Variants in SLAIN2 observed in about 807,000 individuals in gnomAD.
The protein encoded by SLAIN2 is SLAIN family member 2.
SLAIN2 carries 31 observed loss-of-function variants against 56.6 expected under a neutral mutation model. The ratio of observed to expected loss-of-function variants is 0.55; its 90% CI spans 0.41 to 0.74. The LOEUF (loss-of-function observed/expected upper bound fraction) is 0.74. SLAIN2 is among the 30% of genes least tolerant of loss of function. The pLI is 0.00. For synonymous variants in SLAIN2, 317 were observed against 284.9 expected (o/e 1.11, Z -1.13); for missense variants, 777 against 754.2 (o/e 1.03, Z -0.35).
At chr4:48,421,958 C>G (rs1447415038) in intron 7 of SLAIN2, 53 bp from the exon 8 acceptor site, 24 of 1,349,404 alleles carry the variant, frequency 1.8e-5, no homozygotes, top group Admixed American at 7.7e-5. Context: ...TAGTATGGTA[C>G]TATTTCATAA....
chr4:48,398,611 G>C (rs1262998802), intron 6 of SLAIN2, among the ~76,000 whole-genome samples: 1 of 152,150 alleles, frequency 6.6e-6, no homozygotes, highest in African/African-American at 2.4e-5. Flanking sequence ...TTTTCTTCTA[G>C]GGTTTTTATA....
chr4:48,386,048 C>A lies in SLAIN2; in HGVS notation c.1360+2264C>A, dbSNP rs549381422. On this transcript the variant is annotated intron_variant, in intron 6 of 7. Coordinates refer to ENST00000264313, the MANE Select transcript of SLAIN2 (RefSeq NM_020846.2). ...GCTTGAGCCCAGGAGTTTGAAGCTG[C>A]TGTGAGCCATGATCATGCTGCTGCA... Among the ~76,000 whole-genome samples, 7 of 141,486 alleles carry A rather than the reference C, an allele frequency of 4.9e-5. No individual in the cohort carries two copies. The South Asian group carries it at 1.6e-3, about 32-fold the overall frequency. 92.8% of individuals were successfully genotyped at this position (141,486 alleles called of 152,430 possible).
chr4:48,423,953 T>G lies in SLAIN2; in HGVS notation c.*1876T>G, dbSNP rs1577745400. Reference sequence around the variant, plus strand: ...GCTACTGTCTCTTTTAAAAACCACGTACAAAACAGAACAAGTCTCAGTTTT... The same window carrying G: ...GCTACTGTCTCTTTTAAAAACCACGGACAAAACAGAACAAGTCTCAGTTTT... On this transcript the variant is annotated 3_prime_UTR_variant, in exon 8 of 8. Coordinates refer to ENST00000264313, the MANE Select transcript of SLAIN2 (RefSeq NM_020846.2). 6.6e-6 allele frequency: 1 copy of G among 152,132 alleles called. No individual in the cohort carries two copies. The highest frequency in any genetic ancestry group is 1.5e-5 in the Non-Finnish European group (1 of 68,008). The allele number at this position is 152,132 out of a possible 1,614,324, so 9.4% of individuals were successfully genotyped here.
chr4:48,355,123 G>A (rs1026744577), intron 1 of SLAIN2, among the ~76,000 whole-genome samples: 32 of 152,082 alleles, frequency 2.1e-4, no homozygotes, highest in African/African-American at 7.0e-4. Flanking sequence ...CTCGTGATCC[G>A]CCTGCCTCAG....
chr4:48,414,152 T>G (rs1170118930), intron 6 of SLAIN2, among the ~76,000 whole-genome samples: 1 of 152,200 alleles, frequency 6.6e-6, no homozygotes, highest in Non-Finnish European at 1.5e-5. Context: ...AGCAGATAGA[T>G]CTCCTTCACA....
At chr4:48,410,637 C>G (rs1457731589) in intron 6 of SLAIN2, among the ~76,000 whole-genome samples, 1 of 152,196 alleles carries the variant, frequency 6.6e-6, no homozygotes, top group African/African-American at 2.4e-5. Context: ...GCTCCGCTTG[C>G]AGTATCCTGC....
chr4:48,354,907 CTTT>C (rs531483004), intron 1 of SLAIN2, among the ~76,000 whole-genome samples: 1 of 149,406 alleles, frequency 6.7e-6, no homozygotes, highest in Non-Finnish European at 1.5e-5. Context: ...TTCTTTTTTT[CTTT>C]TTTTTTGAGA....
intron 6 of SLAIN2, among the ~76,000 whole-genome samples, chr4:48,390,084 CTTTTTTT>C (rs58551776): frequency 2.9e-5 from 4 of 139,448 alleles, no homozygotes; most frequent in East Asian, 4.2e-4. Flanking sequence ...TTTTCTTTTT[CTTTTTTT>C]TTTTTTTCCT....
At chr4:48,350,231 C>A (rs1252579105) in intron 1 of SLAIN2, among the ~76,000 whole-genome samples, 1 of 152,194 alleles carries the variant, frequency 6.6e-6, no homozygotes, top group South Asian at 2.1e-4. Context: ...TACTGCTCCT[C>A]AGTCCCCATC....
At chr4:48,357,467 G>T (rs1715190269) in intron 1 of SLAIN2, among the ~76,000 whole-genome samples, 1 of 151,332 alleles carries the variant, frequency 6.6e-6, no homozygotes, top group Admixed American at 6.6e-5. Context: ...CTGCAGCCTT[G>T]AACTCCTGGG....
intron 6 of SLAIN2, among the ~76,000 whole-genome samples, chr4:48,418,836 A>C (rs1407448610): frequency 1.4e-5 from 2 of 147,612 alleles, no homozygotes; most frequent in African/African-American, 2.5e-5. Context: ...ATTTCTTTAT[A>C]ACACAACATT....
chr4:48,411,389 A>G (rs1011529393), intron 6 of SLAIN2, among the ~76,000 whole-genome samples: 4 of 152,110 alleles, frequency 2.6e-5, no homozygotes, highest in Non-Finnish European at 5.9e-5. Context: ...GTTTTTTTCT[A>G]AGAACTTTAT....
At chr4:48,412,415 CA>C (rs1716887657) in intron 6 of SLAIN2, among the ~76,000 whole-genome samples, 4 of 31,014 alleles carry the variant, frequency 1.3e-4, no homozygotes, top group Non-Finnish European at 4.2e-4. Context: ...CACACACACA[CA>C]TTCCCTCTCT....
intron 1 of SLAIN2, among the ~76,000 whole-genome samples, chr4:48,355,468 A>G (rs563763258): frequency 6.6e-6 from 1 of 152,286 alleles, no homozygotes; most frequent in African/African-American, 2.4e-5. Context: ...AATTCTAGTA[A>G]TACTATTCCT....
At chr4:48,385,459 T>C (rs1250698951) in intron 6 of SLAIN2, among the ~76,000 whole-genome samples, 1 of 152,124 alleles carries the variant, frequency 6.6e-6, no homozygotes, top group Non-Finnish European at 1.5e-5. Context: ...TTGTCTCAGA[T>C]CCTTGTGGCA....
intron 7 of SLAIN2, among the ~76,000 whole-genome samples, chr4:48,420,922 C>T (rs939052255): frequency 1.3e-5 from 2 of 152,088 alleles, no homozygotes; most frequent in Non-Finnish European, 2.9e-5. Flanking sequence ...TAAGTTTTAC[C>T]TTCAGAGAGT....
Position 48,420,256 on chromosome 4 carries a change from A to G in SLAIN2, c.1492A>G (p.Thr498Ala). The G allele has an allele frequency of 6.2e-7, 1 of 1,613,678 alleles. No individual in the cohort carries two copies. The highest frequency in any genetic ancestry group is 8.5e-7 in the Non-Finnish European group (1 of 1,179,822). ...AGAAATAACACAGCTCACACAAACCACCTCCTCACCTGGGCCTCCTATGGT... is the reference window on the plus strand; with the variant it reads ...AGAAATAACACAGCTCACACAAACCGCCTCCTCACCTGGGCCTCCTATGGT... ...SQEITQLTQT[T>A]SSPGPPMVQS... The change falls in exon 7 of 8, where the codon ACC becomes GCC. Residue 498 changes from threonine (T) to alanine (A), a missense_variant. By Grantham distance (58) the Thr-to-Ala change is moderately conservative. Transcript: ENST00000264313.
chr4:48,344,035 C>T (rs1714796761), intron 1 of SLAIN2, among the ~76,000 whole-genome samples: 1 of 152,108 alleles, frequency 6.6e-6, no homozygotes, highest in Admixed American at 6.5e-5. Flanking sequence ...ACATTGAGTC[C>T]ACTTGGGGAA....
chr4:48,392,331 C>T lies in SLAIN2; in HGVS notation c.1360+8547C>T, dbSNP rs769532524. Reference sequence around the variant, plus strand: ...TGTAGATAACTGTTGTTATTACAATCACATGTGAAACTTGAGGGATAAATA... The same window carrying T: ...TGTAGATAACTGTTGTTATTACAATTACATGTGAAACTTGAGGGATAAATA... On this transcript the variant is annotated intron_variant, in intron 6 of 7. Coordinates refer to ENST00000264313, the MANE Select transcript of SLAIN2 (RefSeq NM_020846.2). Among the ~76,000 whole-genome samples the T allele has an allele frequency of 5.6e-4, 86 of 152,254 alleles. No individual in the cohort carries two copies. The Middle Eastern group carries it at 0.024, about 42-fold the overall frequency.
Sources: gnomAD v4.1 joint callset for allele counts (sites outside exome capture counted in the v4.1 genomes callset) on GRCh38, gnomAD v4.1.1 for gene constraint, MANE v1.5 for transcripts, NCBI Gene and HGNC (gene_info 2026-07-23, HGNC 2026-07-21) for gene names.